SWT1: variants seen among roughly 807,000 people sequenced by gnomAD.
SWT1 encodes SWT1 RNA endoribonuclease homolog.
Under a neutral mutation model 107.3 loss-of-function variants are expected in SWT1, and 33 were observed. The observed-to-expected ratio is 0.31, with a 90% CI of 0.23 to 0.41. The LOEUF (loss-of-function observed/expected upper bound fraction) is 0.41. SWT1 is among the 10% of genes least tolerant of loss of function. SWT1 has a pLI of 1.00. For missense variants in SWT1, 898 were observed against 1,028.9 expected, an observed-to-expected ratio of 0.87 and a Z score of 1.74; for synonymous variants, 345 against 348.3, an observed-to-expected ratio of 0.99 and a Z score of 0.11.
chr1:185,196,710 A>G (rs1211241033), intron 10 of SWT1, among the ~76,000 whole-genome samples: 1 of 152,052 alleles, frequency 6.6e-6, no homozygotes, highest in Non-Finnish European at 1.5e-5. Context: ...CATCCCTTGT[A>G]AGTTGTATTC....
intron 3 of SWT1, 57 bp from the exon 4 acceptor site, chr1:185,168,283 G>A: frequency 9.2e-7 from 1 of 1,082,700 alleles, no homozygotes; most frequent in Non-Finnish European, 1.3e-6. Flanking sequence ...ATCATAAACT[G>A]TGGAAAAAAA....
intron 7 of SWT1, among the ~76,000 whole-genome samples, chr1:185,182,668 C>CAA (rs59326029): frequency 0.052 from 3,505 of 66,946 alleles, 127 homozygotes; most frequent in Non-Finnish European, 0.075. Flanking sequence ...CTCTCTCTCT[C>CAA]AAAAAAAAAA....
intron 13 of SWT1, among the ~76,000 whole-genome samples, chr1:185,212,823 T>G (rs550151284): frequency 1.3e-5 from 2 of 150,942 alleles, no homozygotes; most frequent in Non-Finnish European, 3.0e-5. Context: ...AAAAAACTTC[T>G]TGCTGTAAGA....
intron 4 of SWT1, among the ~76,000 whole-genome samples, chr1:185,169,432 T>G (rs968284304): frequency 2.6e-5 from 4 of 152,152 alleles, no homozygotes; most frequent in Non-Finnish European, 5.9e-5. Flanking sequence ...ATCTCCGTAT[T>G]AATTCAGCTC....
At chr1:185,205,632 G>C (rs1009229261) in intron 12 of SWT1, among the ~76,000 whole-genome samples, 1 of 152,154 alleles carries the variant, frequency 6.6e-6, no homozygotes, top group Admixed American at 6.5e-5. Flanking sequence ...GCCTCCCATA[G>C]TGCTGGGATT....
At chr1:185,237,098 C>T (rs1249659218) in intron 16 of SWT1, among the ~76,000 whole-genome samples, 1 of 152,108 alleles carries the variant, frequency 6.6e-6, no homozygotes, top group African/African-American at 2.4e-5. Flanking sequence ...AATGCTTTTT[C>T]ACTGTTGGTG....
intron 4 of SWT1, among the ~76,000 whole-genome samples, chr1:185,169,442 C>T (rs935456172): frequency 6.6e-5 from 10 of 151,972 alleles, no homozygotes; most frequent in Non-Finnish European, 1.3e-4. Context: ...TAATTCAGCT[C>T]TAGAGAAGTT....
At chr1:185,175,948 G>A (rs1032335472) in intron 5 of SWT1, among the ~76,000 whole-genome samples, 5 of 152,096 alleles carry the variant, frequency 3.3e-5, no homozygotes, top group East Asian at 3.9e-4. Context: ...TACACAGCAG[G>A]GGATTAATAT....
chr1:185,193,996 G>C lies in SWT1; in HGVS notation c.1523+3354G>C, dbSNP rs537056745. On this transcript the variant is annotated intron_variant, in intron 10 of 18. Coordinates refer to ENST00000367500, the MANE Select transcript of SWT1 (RefSeq NM_017673.7). ...TGCATATACATCTAAGATTGTTTAT[G>C]CTTGTCTTCTTGGAGAATTGCTTCT... 1.4e-4 allele frequency among the ~76,000 whole-genome samples: 22 copies of C among 152,296 alleles called. No individual in the cohort carries two copies. The South Asian group carries it at 4.6e-3, about 32-fold the overall frequency.
At chr1:185,187,072 T>TTTTTG (rs1656546266) in intron 9 of SWT1, among the ~76,000 whole-genome samples, 1 of 142,152 alleles carries the variant, frequency 7.0e-6, no homozygotes, top group Non-Finnish European at 1.5e-5. Context: ...TTTTTTTTTT[T>TTTTTG]AAAAGAGTCT....
At chr1:185,185,023 A>T (rs562415719) in intron 9 of SWT1, 92 bp downstream of exon 9, 1 of 882,474 alleles carries the variant, frequency 1.1e-6, no homozygotes, top group Admixed American at 3.0e-5. Flanking sequence ...CTTTTAAAAC[A>T]TTTAAACCCA....
intron 8 of SWT1, 127 bp downstream of exon 8, chr1:185,184,471 A>G (rs977691210): frequency 1.1e-5 from 7 of 646,078 alleles, no homozygotes; most frequent in Middle Eastern, 3.6e-4. Context: ...AAGCATATTC[A>G]GTGTTATAAG....
chr1:185,270,286 CTTT>C (rs79137703), intron 16 of SWT1, among the ~76,000 whole-genome samples: 3 of 104,842 alleles, frequency 2.9e-5, no homozygotes, highest in Admixed American at 9.4e-5. Flanking sequence ...GTTTACTTTC[CTTT>C]TTTTTTTTTT....
In SWT1 at chr1:185,266,285, C is replaced by T. The variant is rs1198936190; in HGVS notation, c.2442-5038C>T. Among the ~76,000 whole-genome samples, 7 of 152,158 alleles carry T rather than the reference C, an allele frequency of 4.6e-5. No individual in the cohort carries two copies. The East Asian group carries it at 9.6e-4, about 21-fold the overall frequency. ...TTCACCGTGTTAGCCAGGATGGTCT[C>T]GATCTCCTGACCTCGTGATCTGCCC... On this transcript the variant is annotated intron_variant, in intron 16 of 18. Coordinates refer to ENST00000367500, the MANE Select transcript of SWT1 (RefSeq NM_017673.7).
chr1:185,210,971 A>G (rs1408906900), intron 13 of SWT1, among the ~76,000 whole-genome samples: 2 of 152,206 alleles, frequency 1.3e-5, no homozygotes, highest in Non-Finnish European at 2.9e-5. Flanking sequence ...TAAAATACCT[A>G]GGAATACAAC....
chr1:185,217,246 CAG>C (rs1411889262), intron 14 of SWT1, among the ~76,000 whole-genome samples: 2 of 152,130 alleles, frequency 1.3e-5, no homozygotes, highest in Non-Finnish European at 2.9e-5. Context: ...TCCTTTAAAA[CAG>C]GGGTCCACAA....
chr1:185,227,232 C>G, intron 15 of SWT1: 6 of 790,010 alleles, frequency 7.6e-6, no homozygotes, highest in East Asian at 4.9e-5. Context: ...AACTTTATTG[C>G]CAGTGGTAAT....
intron 17 of SWT1, among the ~76,000 whole-genome samples, chr1:185,274,040 C>T (rs1664069290): frequency 6.6e-6 from 1 of 151,970 alleles, no homozygotes; most frequent in Admixed American, 6.6e-5. Context: ...GTTTTAAAAT[C>T]ACATACCCTG....
At chr1:185,209,837 A>G (rs999427609) in intron 13 of SWT1, among the ~76,000 whole-genome samples, 1 of 152,218 alleles carries the variant, frequency 6.6e-6, no homozygotes, top group African/African-American at 2.4e-5. Context: ...TAACACTCCC[A>G]CCAACAGTGT....
Sources: allele counts gnomAD v4.1 joint callset (sites outside exome capture counted in the v4.1 genomes callset), GRCh38; gene constraint gnomAD v4.1.1; transcripts MANE v1.5; gene names NCBI Gene and HGNC (gene_info 2026-07-23, HGNC 2026-07-21).